Variants in AGPAT3 observed in about 807,000 individuals in gnomAD.
AGPAT3 encodes the protein 1-acylglycerol-3-phosphate O-acyltransferase 3.
In AGPAT3, 5 loss-of-function variants were observed where a neutral mutation model predicts 47.3. The ratio of observed to expected loss-of-function variants is 0.11; its 90% CI spans 0.06 to 0.22. The LOEUF is 0.22. AGPAT3 is among the 10% of genes least tolerant of loss of function. The probability of loss-of-function intolerance (pLI) is 1.00; values close to 1 mark genes in which losing one functional copy is unlikely to be tolerated. For missense variants in AGPAT3, 315 were observed against 493.0 expected (o/e 0.64, Z 3.42); for synonymous variants, 212 against 208.3 (o/e 1.02, Z -0.15).
chr21:43,906,228 T>G lies in AGPAT3; in HGVS notation c.-49+2209T>G, dbSNP rs190281791. 3.3e-5 allele frequency among the ~76,000 whole-genome samples: 5 copies of G among 152,274 alleles called. 1 individual carries two copies. The highest frequency in any genetic ancestry group is 7.4e-5 in the Non-Finnish European group (5 of 68,016). ...AGCTTCTAGGGTGAGTAACTCGATA[T>G]TCACCAAACCGGGTGACTGTCAGTG... On this transcript the variant is annotated intron_variant, in intron 2 of 9. Coordinates refer to ENST00000291572, the MANE Select transcript of AGPAT3 (RefSeq NM_020132.5).
chr21:43,888,160 C>T (rs1009391254), intron 1 of AGPAT3, among the ~76,000 whole-genome samples: 1 of 152,210 alleles, frequency 6.6e-6, no homozygotes, highest in Non-Finnish European at 1.5e-5. Flanking sequence ...TCCACCTCAG[C>T]CTCCAAGTAG....
intron 1 of AGPAT3, among the ~76,000 whole-genome samples, chr21:43,877,218 T>G (rs1348912143): frequency 6.6e-6 from 1 of 152,186 alleles, no homozygotes; most frequent in Admixed American, 6.5e-5. Flanking sequence ...CTTAACCTTT[T>G]GTCGACTTCC....
chr21:43,904,126 C>T (rs148975942), intron 2 of AGPAT3, 107 bp downstream of exon 2: 381 of 152,416 alleles, frequency 2.5e-3, no homozygotes, highest in African/African-American at 8.7e-3. Flanking sequence ...TTGGGGTCAG[C>T]GTTGGGCCTT....
chr21:43,872,936 T>C (rs916684459), intron 1 of AGPAT3, among the ~76,000 whole-genome samples: 29 of 152,230 alleles, frequency 1.9e-4, no homozygotes, highest in Non-Finnish European at 2.9e-4. Flanking sequence ...GAAGATCCAC[T>C]GTCATGGGTC....
chr21:43,906,878 G>T (rs539499658), intron 2 of AGPAT3, among the ~76,000 whole-genome samples: 1 of 152,232 alleles, frequency 6.6e-6, no homozygotes, highest in African/African-American at 2.4e-5. Flanking sequence ...TGGAAGAAGC[G>T]CAGTGGGTCA....
chr21:43,871,428 A>G lies in AGPAT3; in HGVS notation c.-112+6083A>G, dbSNP rs762951765. Among the ~76,000 whole-genome samples the G allele has an allele frequency of 4.5e-4, 68 of 152,258 alleles. 1 individual carries two copies. Among genetic ancestry groups the G allele is most frequent in the Non-Finnish European group, 1.5e-4 (10 of 68,044 alleles). ...CCTCCCGTAAGATCTATGCAAAGAT[A>G]AAGCCTGCAAAAAATAATGTTTTCA... On this transcript the variant is annotated intron_variant, in intron 1 of 9. Transcript: ENST00000291572.
chr21:43,970,905 CAGA>C lies in AGPAT3; in HGVS notation c.664+104_664+106del, dbSNP rs948126491. On this transcript the variant is annotated intron_variant, in intron 6 of 9. Transcript: ENST00000291572. This position sits in a 1 kb window ranked among gnomAD's most constrained non-coding sequence, Gnocchi z 5.8. ...AAATGAGTGCATTCCATGTGAAACACAGAAGAACAGAAGTGCAAAAGGAATCAA... is the reference window on the plus strand; with the variant it reads ...AAATGAGTGCATTCCATGTGAAACACAGAACAGAAGTGCAAAAGGAATCAA... The C allele has an allele frequency of 2.0e-5, 26 of 1,305,088 alleles. No homozygotes were observed. The highest frequency in any genetic ancestry group is 2.0e-4 in the Admixed American group (6 of 30,450). 80.8% of individuals were successfully genotyped at this position (1,305,088 alleles called of 1,614,324 possible).
intron 2 of AGPAT3, among the ~76,000 whole-genome samples, chr21:43,929,775 G>A (rs1383714159): frequency 1.3e-5 from 2 of 152,236 alleles, no homozygotes; most frequent in African/African-American, 2.4e-5. Flanking sequence ...GGAGCTGTGG[G>A]GCCCGTGAGT....
At chr21:43,896,435 T>A (rs2086219220) in intron 1 of AGPAT3, among the ~76,000 whole-genome samples, 1 of 152,258 alleles carries the variant, frequency 6.6e-6, no homozygotes, top group Admixed American at 6.5e-5. Flanking sequence ...CAGCATTGTG[T>A]GTAGATTGAT....
At chr21:43,913,796 G>A (rs541330833) in intron 2 of AGPAT3, among the ~76,000 whole-genome samples, 49 of 152,280 alleles carry the variant, frequency 3.2e-4, no homozygotes, top group Middle Eastern at 3.4e-3. Flanking sequence ...AGCCGGCCCT[G>A]CAGCAGAGTT....
rs562118927 is a variant in AGPAT3, at chr21:43,981,871, C to T, written c.1043-433C>T. ...CTGAGAGGCAGTGACTGCCACCAGC[C>T]TCTCCCATTGGACTACGAGATGACT... On this transcript the variant is annotated intron_variant, in intron 9 of 9. Coordinates refer to ENST00000291572, the MANE Select transcript of AGPAT3 (RefSeq NM_020132.5). The surrounding 1 kb of genome is among the most constrained non-coding windows in gnomAD (Gnocchi z 5.3). Among the ~76,000 whole-genome samples the T allele has an allele frequency of 9.8e-5, 15 of 152,342 alleles. No homozygotes were observed. The highest frequency in any genetic ancestry group is 3.4e-4 in the African/African-American group (14 of 41,572).
intron 2 of AGPAT3, among the ~76,000 whole-genome samples, chr21:43,931,921 TCGTGTGTGTGTGTGTG>T (rs1439218060): frequency 8.7e-6 from 1 of 115,538 alleles, no homozygotes; most frequent in East Asian, 2.5e-4. Flanking sequence ...GAAGAGGATC[TCGTGTGTGTGTGTGTG>T]TGTGTGTGTG....
At chr21:43,961,048 G>A (rs943824474) in intron 3 of AGPAT3, among the ~76,000 whole-genome samples, 5 of 152,100 alleles carry the variant, frequency 3.3e-5, no homozygotes, top group Admixed American at 2.6e-4. Context: ...GCTGAGGCAG[G>A]AGAACTGCTT....
At chr21:43,975,701 T>C (rs1236432250) in intron 7 of AGPAT3, among the ~76,000 whole-genome samples, 1 of 152,276 alleles carries the variant, frequency 6.6e-6, no homozygotes, top group African/African-American at 2.4e-5. Flanking sequence ...AGCAGGTTCC[T>C]ACCTGTGTAT....
In AGPAT3 at chr21:43,896,734, A is replaced by AT. The variant is rs201460782; in HGVS notation, c.-111-7221dup. 7.4e-3 allele frequency among the ~76,000 whole-genome samples: 1,126 copies of AT among 152,326 alleles called. 18 individuals are homozygous for AT. The highest frequency in any genetic ancestry group is 0.025 in the African/African-American group (1,025 of 41,572). On this transcript the variant is annotated intron_variant, in intron 1 of 9. Coordinates refer to ENST00000291572, the MANE Select transcript of AGPAT3 (RefSeq NM_020132.5). ...TGAATGAAGCGACTATTACTGTGAA[A>AT]TTATCTTCTTACCTTTTTAATGCTT...
At chr21:43,959,507 GTGTGC>G (rs2088719579) in intron 2 of AGPAT3, 122 bp from the exon 3 acceptor site, 1 of 792,790 alleles carries the variant, frequency 1.3e-6, no homozygotes, top group South Asian at 1.7e-5. Flanking sequence ...GGGGTTTGCA[GTGTGC>G]TGTGCAGCAT....
chr21:43,959,931 A>C (rs1439365311), intron 3 of AGPAT3, 72 bp downstream of exon 3: 1 of 1,473,774 alleles, frequency 6.8e-7, no homozygotes, highest in Non-Finnish European at 9.1e-7. Context: ...TGCACGGGGC[A>C]GCCGTGGGCT....
chr21:43,900,384 A>G (rs1237432728), intron 1 of AGPAT3, among the ~76,000 whole-genome samples: 1 of 152,248 alleles, frequency 6.6e-6, no homozygotes. Flanking sequence ...CACAGGCTTC[A>G]GACACTGGTG....
intron 1 of AGPAT3, among the ~76,000 whole-genome samples, chr21:43,897,515 G>A (rs1347467062): frequency 6.6e-6 from 1 of 151,850 alleles, no homozygotes; most frequent in Non-Finnish European, 1.5e-5. Context: ...CCCAGACAGG[G>A]CGGCCGGGCA....
Sources: gnomAD v4.1 joint callset for allele counts (sites outside exome capture counted in the v4.1 genomes callset) on GRCh38, gnomAD v4.1.1 for gene constraint, Gnocchi (gnomAD v3.1) non-coding constraint, MANE v1.5 for transcripts, NCBI Gene and HGNC (gene_info 2026-07-23, HGNC 2026-07-21) for gene names.